Variants in RNF150 observed in about 807,000 individuals in gnomAD.
RNF150 encodes ring finger protein 150.
A neutral mutation model predicts 39.3 loss-of-function variants in RNF150; 24 were observed. That is an observed-to-expected ratio of 0.61 (90% CI 0.44 to 0.86). The LOEUF is 0.86. Ranked by LOEUF, RNF150 falls within the 40% of genes least tolerant of loss-of-function variation. The pLI, the probability that RNF150 is intolerant of heterozygous loss-of-function variation, is 0.00. For synonymous variants in RNF150, 255 were observed against 227.3 expected (o/e 1.12, Z -1.10); for missense variants, 502 against 587.8 (o/e 0.85, Z 1.51).
At position 140,973,330 on chromosome 4, in the gene RNF150, C is replaced by T. The variant is rs1227258985; in HGVS notation, c.485-5457G>A. Among the ~76,000 whole-genome samples the T allele has an allele frequency of 2.0e-5, 3 of 151,952 alleles. No individual in the cohort carries two copies. In the East Asian group the frequency reaches 5.8e-4, roughly 29 times the overall value. ...ATTCACAATGTCTTGACAATGTCAC[C>T]ATGTCTGTTTATGAGAGAACTCAGT... On this transcript the variant is annotated intron_variant, in intron 1 of 6. Coordinates refer to ENST00000515673, the MANE Select transcript of RNF150 (RefSeq NM_020724.2).
At position 141,132,445 on chromosome 4, in the gene RNF150, G is replaced by A. The variant is rs2111111007; in HGVS notation, c.364C>T (p.Pro122Ser). The change falls in exon 1 of 7, where the codon CCC becomes TCC. Residue 122 changes from proline (P) to serine (S), a missense_variant. Coordinates refer to ENST00000515673, the MANE Select transcript of RNF150 (RefSeq NM_020724.2). The surrounding 1 kb of genome is among the most constrained non-coding windows in gnomAD (Gnocchi z 4.9). ...TCCCTGTACGTGCAGTTGCCCTTGG[G>A]GATGAGGGCTATCCAGTTCTTGCCG... The part of the protein sequence containing the change: ...TRGKNWIALI[P>S]KGNCTYRDKI... The A allele has an allele frequency of 6.2e-7, 1 of 1,610,750 alleles. No homozygotes were observed. The highest frequency in any genetic ancestry group is 8.5e-7 in the Non-Finnish European group (1 of 1,178,964).
chr4:141,144,622 G>A (rs548613391), intron 1 of RNF150, among the ~76,000 whole-genome samples: 139 of 143,902 alleles, frequency 9.7e-4, no homozygotes, highest in African/African-American at 3.3e-3. Context: ...GAAACTTTAG[G>A]AACAAAAACG....
intron 1 of RNF150, among the ~76,000 whole-genome samples, chr4:141,110,803 T>C (rs1486013170): frequency 6.6e-6 from 1 of 152,118 alleles, no homozygotes; most frequent in Non-Finnish European, 1.5e-5. Flanking sequence ...ATTTGGCTTC[T>C]GTTTCGGGAA....
At chr4:141,148,237 T>C (rs1727235085) in intron 1 of RNF150, among the ~76,000 whole-genome samples, 1 of 152,162 alleles carries the variant, frequency 6.6e-6, no homozygotes, top group South Asian at 2.1e-4. Flanking sequence ...TGGCTTCCTC[T>C]TATAGATTGA....
rs113493238 is a variant in RNF150 at position 141,066,872 on chromosome 4, G to A, written c.484+65453C>T. Among the ~76,000 whole-genome samples, 476 of 152,222 alleles carry A rather than the reference G, an allele frequency of 3.1e-3. 1 individual carries two copies. The highest frequency in any genetic ancestry group is 0.011 in the African/African-American group (455 of 41,540). ...TGTGTCATTAGTTGACTTTGTTGTT[G>A]TGCAAACATCATAAAATGTACTTAT... On this transcript the variant is annotated intron_variant, in intron 1 of 6. Coordinates refer to ENST00000515673, the MANE Select transcript of RNF150 (RefSeq NM_020724.2).
chr4:141,189,362 G>A (rs1171821887), intron 1 of RNF150, among the ~76,000 whole-genome samples: 1 of 152,176 alleles, frequency 6.6e-6, no homozygotes, highest in Non-Finnish European at 1.5e-5. Flanking sequence ...CTCCCAGTCA[G>A]GTGGCACAGG....
rs116407963 is a variant in RNF150 at position 141,158,950 on chromosome 4, G to T, written c.-6+53844C>A. Among the ~76,000 whole-genome samples the T allele has an allele frequency of 7.0e-3, 1,064 of 152,244 alleles. 12 individuals are homozygous for T. Among genetic ancestry groups the T allele is most frequent in the African/African-American group, 0.025 (1,018 of 41,532 alleles). On this transcript the variant is annotated intron_variant, in intron 1 of 7. Transcript: ENST00000420921. ...ACCATCTTGAGGGTGCTTTGAAATG[G>T]CAGTTCCCAACTTGGTGTTCTTTAA...
At chr4:140,945,357 T>C (rs186227631) in intron 4 of RNF150, among the ~76,000 whole-genome samples, 4 of 152,030 alleles carry the variant, frequency 2.6e-5, no homozygotes, top group Non-Finnish European at 5.9e-5. Context: ...TAACACATCA[T>C]GAAAGTCTAA....
chr4:141,017,446 TC>T (rs1429785498), intron 1 of RNF150, among the ~76,000 whole-genome samples: 1 of 152,146 alleles, frequency 6.6e-6, no homozygotes, highest in Non-Finnish European at 1.5e-5. Flanking sequence ...TCCTCCATCA[TC>T]AACATCCCAT....
intron 1 of RNF150, among the ~76,000 whole-genome samples, chr4:140,981,058 C>T (rs1030287580): frequency 6.6e-6 from 1 of 151,998 alleles, no homozygotes; most frequent in Non-Finnish European, 1.5e-5. Flanking sequence ...TTGGAAAATC[C>T]CTGTTTTTAA....
intron 1 of RNF150, among the ~76,000 whole-genome samples, chr4:141,208,590 TC>T (rs1274819689): frequency 6.6e-6 from 1 of 152,208 alleles, no homozygotes; most frequent in Non-Finnish European, 1.5e-5. Flanking sequence ...TCAATTTTGC[TC>T]TTTTTACAAA....
chr4:141,009,035 A>T (rs1265951988), intron 1 of RNF150, among the ~76,000 whole-genome samples: 2 of 152,252 alleles, frequency 1.3e-5, no homozygotes, highest in African/African-American at 4.8e-5. Flanking sequence ...CAGTAAATAA[A>T]TGAAATCTAT....
Position 141,046,443 on chromosome 4 carries a change from G to A in RNF150, c.485-78570C>T, listed in dbSNP as rs1453011607. On this transcript the variant is annotated intron_variant, in intron 1 of 6. Transcript: ENST00000515673. ...CATTCTAGGAAACACACAACCACGA[G>A]TCTGGGAGGAAGCTGCAGAGTAGAC... 2.6e-5 allele frequency among the ~76,000 whole-genome samples: 4 copies of A among 152,286 alleles called. No individual in the cohort carries two copies. In the South Asian group the frequency reaches 8.3e-4, roughly 32 times the overall value.
At chr4:140,924,245 G>A (rs367576891) in intron 5 of RNF150, among the ~76,000 whole-genome samples, 3 of 152,130 alleles carry the variant, frequency 2.0e-5, no homozygotes, top group Admixed American at 6.6e-5. Flanking sequence ...ATGCCCAAAT[G>A]CTAAAAGTTA....
intron 1 of RNF150, among the ~76,000 whole-genome samples, chr4:140,974,046 C>A (rs1202454432): frequency 1.3e-5 from 2 of 151,862 alleles, no homozygotes; most frequent in African/African-American, 4.8e-5. Flanking sequence ...TGGATTTCAC[C>A]AGTTTTTGCA....
chr4:141,039,639 C>G lies in RNF150; in HGVS notation c.485-71766G>C, dbSNP rs138218629. ...TGAGACAGGCAGGGTGGTTGATTCC[C>G]TATTTTAAGATGGTCTGGAGGAAAA... On this transcript the variant is annotated intron_variant, in intron 1 of 6. Coordinates refer to ENST00000515673, the MANE Select transcript of RNF150 (RefSeq NM_020724.2). Among the ~76,000 whole-genome samples the G allele has an allele frequency of 3.4e-3, 523 of 152,044 alleles. 2 individuals carry two copies. The highest frequency in any genetic ancestry group is 0.012 in the African/African-American group (510 of 41,488).
intron 1 of RNF150, among the ~76,000 whole-genome samples, chr4:141,211,680 G>GTTT (rs33921054): frequency 1.7e-3 from 258 of 148,548 alleles, no homozygotes; most frequent in Admixed American, 4.1e-3. Flanking sequence ...AACTTACTTT[G>GTTT]TTTTTTTTTT....
At chr4:140,959,991 T>C (rs1168460279) in intron 2 of RNF150, among the ~76,000 whole-genome samples, 3 of 152,124 alleles carry the variant, frequency 2.0e-5, no homozygotes, top group Non-Finnish European at 4.4e-5. Context: ...CCCACATTGG[T>C]ACCCCCATTC....
chr4:141,163,185 G>A (rs965331952), intron 1 of RNF150, among the ~76,000 whole-genome samples: 3 of 152,132 alleles, frequency 2.0e-5, no homozygotes, highest in African/African-American at 4.8e-5. Context: ...CAAAGCCACC[G>A]GGAAGTTTGA....
Sources: gnomAD v4.1 joint callset for allele counts (sites outside exome capture counted in the v4.1 genomes callset) on GRCh38, gnomAD v4.1.1 for gene constraint, Gnocchi (gnomAD v3.1) non-coding constraint, MANE v1.5 for transcripts, NCBI Gene and HGNC (gene_info 2026-07-23, HGNC 2026-07-21) for gene names.